C4orf50: variants seen among roughly 807,000 people sequenced by gnomAD.
C4orf50 encodes the protein uncharacterized protein C4orf50.
C4orf50 carries 80 observed loss-of-function variants against 77.2 expected under a neutral mutation model. That is an observed-to-expected ratio of 1.04 (90% CI 0.87 to 1.25). C4orf50 has a LOEUF of 1.25. Among genes scored for constraint, C4orf50 ranks in the 50% most tolerant of loss-of-function variants. C4orf50 has a pLI of 0.00. For synonymous variants in C4orf50, 532 were observed against 465.3 expected (o/e 1.14, Z -1.84); for missense variants, 1,257 against 1,152.9 (o/e 1.09, Z -1.31).
In C4orf50 at chr4:5,992,925, A is replaced by C. The variant is rs761694070; in HGVS notation, c.1099T>G (p.Ser367Ala). 3.8e-5 allele frequency: 15 copies of C among 398,828 alleles called. No individual in the cohort carries two copies. The highest frequency in any genetic ancestry group is 1.3e-4 in the Admixed American group (3 of 22,716). 24.7% of individuals were successfully genotyped at this position (398,828 alleles called of 1,614,324 possible). A position where few individuals can be genotyped will look rare whatever the true frequency, so the allele number is the denominator to read the frequency against. Residue 367 changes from serine to alanine, a missense_variant, in exon 27 of 34, where the codon TCC (serine) becomes GCC (alanine). By Grantham distance (99) the Ser-to-Ala change is moderately conservative (BLOSUM62 1). Transcript: ENST00000531445. This position sits in a 1 kb window ranked among gnomAD's most constrained non-coding sequence, Gnocchi z 5.0. ...CTCCAGGTGCAGGGCCCCTCTGGGG[A>C]CTGGCCTGGAAAGCAACAAGACCCT...
intron 7 of C4orf50, among the ~76,000 whole-genome samples, chr4:5,918,040 G>C (rs570940031): frequency 6.6e-6 from 1 of 152,276 alleles, no homozygotes; most frequent in African/African-American, 2.4e-5. Context: ...GGTAACGAAA[G>C]GGCAACATTT....
At chr4:6,005,001 A>T (rs1179401318) in intron 25 of C4orf50, among the ~76,000 whole-genome samples, 1 of 152,200 alleles carries the variant, frequency 6.6e-6, no homozygotes, top group African/African-American at 2.4e-5. Context: ...TCCCAGTATT[A>T]GTCCCATTTC....
exon 28 of C4orf50, chr4:5,988,476 T>C: frequency 6.4e-7 from 1 of 1,559,580 alleles, no homozygotes; most frequent in Non-Finnish European, 8.6e-7. Context: ...GGGCATTGGC[T>C]ACACCAGTGT....
chr4:5,992,523 C>T lies in C4orf50; in HGVS notation c.1221+280G>A, dbSNP rs1285460429. Among the ~76,000 whole-genome samples the T allele has an allele frequency of 1.3e-5, 2 of 152,106 alleles. No homozygotes were observed. The highest frequency in any genetic ancestry group is 2.9e-5 in the Non-Finnish European group (2 of 67,998). ...CTCCAGAGCAGAGGTGGCAGCAACACCTCGTGGGTGTCAGGAGGTGTCAAC... is the reference window on the plus strand; with the variant it reads ...CTCCAGAGCAGAGGTGGCAGCAACATCTCGTGGGTGTCAGGAGGTGTCAAC... On this transcript the variant is annotated intron_variant, in intron 27 of 33. Transcript: ENST00000531445. This position sits in a 1 kb window ranked among gnomAD's most constrained non-coding sequence, Gnocchi z 5.0.
chr4:5,920,722 C>A (rs888518636), intron 7 of C4orf50, among the ~76,000 whole-genome samples: 1 of 152,160 alleles, frequency 6.6e-6, no homozygotes, highest in African/African-American at 2.4e-5. Flanking sequence ...GTGATCCACC[C>A]ATCTTGGCCT....
chr4:5,991,253 G>A (rs1721267454), intron 27 of C4orf50, among the ~76,000 whole-genome samples: 1 of 152,158 alleles, frequency 6.6e-6, no homozygotes, highest in Admixed American at 6.5e-5. Context: ...AGGCCACATG[G>A]AGCTCCTAAA....
chr4:5,949,178 G>A (rs905252161), intron 7 of C4orf50, among the ~76,000 whole-genome samples: 21 of 152,164 alleles, frequency 1.4e-4, no homozygotes, highest in African/African-American at 4.1e-4. Flanking sequence ...CCCGCCCTGC[G>A]CCCGTGAAAA....
chr4:6,001,898 TC>T (rs1354086089), intron 25 of C4orf50, among the ~76,000 whole-genome samples: 3 of 152,194 alleles, frequency 2.0e-5, no homozygotes, highest in African/African-American at 7.2e-5. Flanking sequence ...CTTGGGAGGC[TC>T]AGCCCAGCAC....
chr4:5,967,368 CT>C lies in C4orf50; in HGVS notation c.4153+45del, dbSNP rs748490140. The C allele has an allele frequency of 1.2e-5, 19 of 1,542,170 alleles. No individual in the cohort carries two copies. In the South Asian group the frequency reaches 2.1e-4, roughly 17 times the overall value. Reference sequence around the variant, plus strand: ...TCTCACAGCGTCCTGCCGGCCTGGACTTTTTCTGAGCACACAGGCTTTTCCT... The same window carrying C: ...TCTCACAGCGTCCTGCCGGCCTGGACTTTTCTGAGCACACAGGCTTTTCCT... On this transcript the variant is annotated intron_variant, in intron 32 of 33. Coordinates refer to ENST00000531445, the Ensembl canonical transcript of C4orf50.
chr4:5,986,619 A>G lies in C4orf50; in HGVS notation c.3699+1728T>C, dbSNP rs28371142. 9.8e-3 allele frequency among the ~76,000 whole-genome samples: 1,466 copies of G among 150,204 alleles called. 25 individuals are homozygous for G. Among genetic ancestry groups the G allele is most frequent in the African/African-American group, 0.034 (1,389 of 40,822 alleles). On this transcript the variant is annotated intron_variant, in intron 28 of 33. Transcript: ENST00000531445. The stretch of plus-strand genomic sequence containing the variant: ...AGTGGCACAATCTCGGCTCACTGCA[A>G]CCTCCGCCTCCCAGGTTCAAGCAAT...
intron 7 of C4orf50, among the ~76,000 whole-genome samples, chr4:5,931,771 T>G (rs970123063): frequency 2.0e-5 from 3 of 151,984 alleles, no homozygotes; most frequent in Non-Finnish European, 2.9e-5. Flanking sequence ...CACCCCTCCC[T>G]CCCATCTTCC....
At chr4:5,989,130 T>C (rs2108790190) in exon 28 of C4orf50, 2 of 1,536,138 alleles carry the variant, frequency 1.3e-6, no homozygotes, top group African/African-American at 2.7e-5. Flanking sequence ...CGAGCCTGGA[T>C]ATTTTTGTCA....
At chr4:5,988,675 T>A in exon 28 of C4orf50, 1 of 1,536,084 alleles carries the variant, frequency 6.5e-7, no homozygotes. Context: ...CATCTTGGCT[T>A]TTCCCTGGAG....
intron 7 of C4orf50, among the ~76,000 whole-genome samples, chr4:5,950,423 G>A (rs909294531): frequency 2.2e-4 from 33 of 152,316 alleles, no homozygotes; most frequent in African/African-American, 7.9e-4. Context: ...GATTGTTCTT[G>A]AATTGGTCAT....
At chr4:6,003,943 GTGA>G (rs1722009438) in intron 25 of C4orf50, among the ~76,000 whole-genome samples, 1 of 2,136 alleles carries the variant, frequency 4.7e-4, no homozygotes. Flanking sequence ...GATGGTGATG[GTGA>G]TGATGGTGAT....
chr4:5,912,472 G>A (rs1394472031), intron 7 of C4orf50, among the ~76,000 whole-genome samples: 2 of 152,188 alleles, frequency 1.3e-5, no homozygotes, highest in Non-Finnish European at 1.5e-5. Flanking sequence ...AGCATTTTCA[G>A]CAGTGTTTCT....
At chr4:6,003,854 A>ATGATGG (rs140220369) in intron 25 of C4orf50, among the ~76,000 whole-genome samples, 1 of 11,064 alleles carries the variant, frequency 9.0e-5, no homozygotes, top group African/African-American at 2.7e-4. Context: ...GATGATGGTG[A>ATGATGG]TGATGGTGAT....
In C4orf50 at chr4:5,919,942, C is replaced by T. The variant is rs186748861; in HGVS notation, c.*2475-21754G>A. ...CAAAGAAAACTTAGTCTGTGTTCAA[C>T]ACGCACAGACTTTTCTTGTCATCAT... On this transcript the variant is annotated intron_variant, in intron 7 of 7. Coordinates refer to the C4orf50 transcript ENST00000324058. This position sits in a 1 kb window ranked among gnomAD's most constrained non-coding sequence, Gnocchi z 6.5. Among the ~76,000 whole-genome samples the T allele has an allele frequency of 1.2e-4, 19 of 152,344 alleles. 1 individual carries two copies. The highest frequency in any genetic ancestry group is 2.6e-4 in the Admixed American group (4 of 15,308).
At chr4:5,997,422 G>C (rs1038155610) in intron 25 of C4orf50, among the ~76,000 whole-genome samples, 1 of 152,200 alleles carries the variant, frequency 6.6e-6, no homozygotes, top group African/African-American at 2.4e-5. Flanking sequence ...CCATTGTCTA[G>C]TTTACCCCTT....
Sources: gnomAD v4.1 joint callset for allele counts (sites outside exome capture counted in the v4.1 genomes callset) on GRCh38, gnomAD v4.1.1 for gene constraint, Gnocchi (gnomAD v3.1) non-coding constraint, MANE v1.5 for transcripts, NCBI Gene and HGNC (gene_info 2026-07-23, HGNC 2026-07-21) for gene names.